Variants in KIAA1549L observed in about 807,000 individuals in gnomAD.
KIAA1549L encodes UPF0606 protein KIAA1549L.
In KIAA1549L, 88 loss-of-function variants were observed where a neutral mutation model predicts 160.7. That is an observed-to-expected ratio of 0.55 (90% CI 0.46 to 0.65). The LOEUF (loss-of-function observed/expected upper bound fraction) is 0.65, where lower values mean the gene tolerates loss of function less well. KIAA1549L is among the 30% of genes least tolerant of loss of function. The pLI is 0.00. For missense variants in KIAA1549L, 2,258 were observed against 2,437.5 expected, an observed-to-expected ratio of 0.93 and a Z score of 1.55; for synonymous variants, 950 against 976.7, an observed-to-expected ratio of 0.97 and a Z score of 0.51.
chr11:33,508,229 A>G (rs1300869346), intron 1 of KIAA1549L, among the ~76,000 whole-genome samples: 2 of 152,214 alleles, frequency 1.3e-5, no homozygotes, highest in East Asian at 3.8e-4. Context: ...ATCCAGCCTC[A>G]TCGTGCTAGA....
At position 33,541,838 on chromosome 11, in the gene KIAA1549L, C is replaced by T. The variant is rs1455780312; in HGVS notation, c.275C>T (p.Pro92Leu). ...DNLQMNVTRT[P>L]ESFPPGKLLP... ...CTACAGATGAATGTCACCCGGACTC[C>T]AGAGTCATTTCCTCCCGGGAAATTG... Residue 92 changes from proline to leucine, a missense_variant, in exon 2 of 21, where the codon CCA (proline) becomes CTA (leucine). Physicochemically the swap from Pro to Leu is moderately conservative, Grantham distance 98. Transcript: ENST00000658780. 1.4e-5 allele frequency: 4 copies of T among 294,026 alleles called. No homozygotes were observed. Among genetic ancestry groups the T allele is most frequent in the African/African-American group, 8.7e-5 (4 of 45,942 alleles). The allele number at this position is 294,026 out of a possible 1,614,324, so 18.2% of individuals were successfully genotyped here.
At chr11:33,561,303 A>G (rs976876217) in intron 7 of KIAA1549L, among the ~76,000 whole-genome samples, 9 of 152,244 alleles carry the variant, frequency 5.9e-5, no homozygotes, top group Non-Finnish European at 1.3e-4. Flanking sequence ...CGGAAAGGGC[A>G]GAAACTCACA....
intron 1 of KIAA1549L, chr11:33,403,289 A>ATAGACACATG (rs1308724590): frequency 4.1e-5 from 5 of 121,232 alleles, no homozygotes; most frequent in Non-Finnish European, 6.8e-5. Flanking sequence ...ACAGACACAC[A>ATAGACACATG]CACACACACA....
chr11:33,420,897 C>T (rs1251636565), intron 1 of KIAA1549L, among the ~76,000 whole-genome samples: 1 of 152,120 alleles, frequency 6.6e-6, no homozygotes, highest in Admixed American at 6.5e-5. Context: ...GCAGTGGTCC[C>T]AGCTGGGATT....
At chr11:33,413,713 GT>G (rs1220521348) in intron 1 of KIAA1549L, among the ~76,000 whole-genome samples, 1 of 152,094 alleles carries the variant, frequency 6.6e-6, no homozygotes, top group Non-Finnish European at 1.5e-5. Flanking sequence ...AAAAGACATT[GT>G]TTTAGGCATG....
chr11:33,667,730 T>G (rs1852520241), intron 20 of KIAA1549L, 143 bp from the exon 21 acceptor site: 1 of 690,540 alleles, frequency 1.4e-6, no homozygotes, highest in South Asian at 1.9e-5. Flanking sequence ...TTTATATCTA[T>G]ACAATGGTAT....
chr11:33,407,481 T>A (rs1850690701), intron 1 of KIAA1549L, among the ~76,000 whole-genome samples: 1 of 152,160 alleles, frequency 6.6e-6, no homozygotes, highest in Non-Finnish European at 1.5e-5. Context: ...TGCGAGTAGC[T>A]GGGATTACAG....
chr11:33,400,795 T>C (rs1850482939), intron 1 of KIAA1549L, among the ~76,000 whole-genome samples: 1 of 152,238 alleles, frequency 6.6e-6, no homozygotes, highest in Non-Finnish European at 1.5e-5. Flanking sequence ...CCAGACACTG[T>C]GCAGGGTGCC....
At chr11:33,421,346 A>G (rs1424693859) in intron 1 of KIAA1549L, among the ~76,000 whole-genome samples, 2 of 152,190 alleles carry the variant, frequency 1.3e-5, no homozygotes, top group African/African-American at 4.8e-5. Flanking sequence ...TGGTGGGAAG[A>G]TGGTGTCCCA....
intron 1 of KIAA1549L, among the ~76,000 whole-genome samples, chr11:33,489,064 G>A (rs1852595569): frequency 6.6e-6 from 1 of 152,236 alleles, no homozygotes; most frequent in South Asian, 2.1e-4. Context: ...CTGTCGTTGG[G>A]TGATGCTAGC....
At chr11:33,394,675 TAACA>T (rs1850338755) in intron 1 of KIAA1549L, among the ~76,000 whole-genome samples, 1 of 152,202 alleles carries the variant, frequency 6.6e-6, no homozygotes, top group Middle Eastern at 3.2e-3. Flanking sequence ...CTAACTGTGG[TAACA>T]AACCAACCCC....
intron 13 of KIAA1549L, among the ~76,000 whole-genome samples, chr11:33,601,531 A>T (rs1009504885): frequency 6.6e-6 from 1 of 152,226 alleles, no homozygotes; most frequent in African/African-American, 2.4e-5. Flanking sequence ...GTATATTTTC[A>T]TCACCTTGCC....
intron 16 of KIAA1549L, among the ~76,000 whole-genome samples, chr11:33,624,050 CT>C (rs1851030298): frequency 6.6e-6 from 1 of 152,132 alleles, no homozygotes; most frequent in Non-Finnish European, 1.5e-5. Context: ...TGTAGGTATA[CT>C]TTCAGGGAGA....
chr11:33,523,762 G>A (rs1455878120), intron 1 of KIAA1549L, among the ~76,000 whole-genome samples: 2 of 152,042 alleles, frequency 1.3e-5, no homozygotes, highest in Non-Finnish European at 2.9e-5. Context: ...AAATTATTAC[G>A]TATTAATTGA....
chr11:33,549,910 T>A (rs558783191), intron 4 of KIAA1549L, among the ~76,000 whole-genome samples: 1 of 151,688 alleles, frequency 6.6e-6, no homozygotes, highest in Non-Finnish European at 1.5e-5. Flanking sequence ...GAGGCTGAGG[T>A]GGGAGAAATG....
At chr11:33,621,405 G>A (rs1282330839) in intron 16 of KIAA1549L, among the ~76,000 whole-genome samples, 1 of 152,128 alleles carries the variant, frequency 6.6e-6, no homozygotes, top group Non-Finnish European at 1.5e-5. Context: ...ACCTCACTTG[G>A]TAGTAATATT....
intron 1 of KIAA1549L, among the ~76,000 whole-genome samples, chr11:33,397,264 G>A (rs1850396349): frequency 6.8e-6 from 1 of 146,202 alleles, no homozygotes; most frequent in Non-Finnish European, 1.5e-5. Flanking sequence ...AACCTGGGAG[G>A]CAGAGGTTGC....
chr11:33,623,005 T>C (rs565696272), intron 16 of KIAA1549L, among the ~76,000 whole-genome samples: 1 of 152,332 alleles, frequency 6.6e-6, no homozygotes, highest in African/African-American at 2.4e-5. Flanking sequence ...TGAGTTGCAC[T>C]TGCAGAACAA....
In KIAA1549L at chr11:33,495,130, T is replaced by TTTA. The variant is rs1250652811; in HGVS notation, c.239-46661_239-46659dup. 1.3e-5 allele frequency among the ~76,000 whole-genome samples: 2 copies of TTTA among 152,086 alleles called. 1 individual carries two copies. The highest frequency in any genetic ancestry group is 4.8e-5 in the African/African-American group (2 of 41,518). ...TAATGTTTGTATTTTTTTATTTTTATTTATTATTATTATACTTTAAGTTTT... is the reference window on the plus strand; with the variant it reads ...TAATGTTTGTATTTTTTTATTTTTATTTATTATTATTATTATACTTTAAGTTTT... On this transcript the variant is annotated intron_variant, in intron 1 of 20. Coordinates refer to ENST00000658780, the MANE Select transcript of KIAA1549L (RefSeq NM_012194.3).
Sources: allele counts gnomAD v4.1 joint callset (sites outside exome capture counted in the v4.1 genomes callset), GRCh38; gene constraint gnomAD v4.1.1; transcripts MANE v1.5; gene names NCBI Gene and HGNC (gene_info 2026-07-23, HGNC 2026-07-21).